Variants in HHIP observed in about 807,000 individuals in gnomAD.
HHIP encodes the protein hedgehog interacting protein.
Under a neutral mutation model 74.0 loss-of-function variants are expected in HHIP, and 12 were observed. The observed-to-expected ratio is 0.16, with a 90% confidence interval of 0.10 to 0.26. The LOEUF (loss-of-function observed/expected upper bound fraction) is 0.26, where lower values mean the gene tolerates loss of function less well. HHIP is among the 10% of genes least tolerant of loss of function. The pLI, the probability that HHIP is intolerant of heterozygous loss-of-function variation, is 1.00. For synonymous variants in HHIP, 309 were observed against 311.6 expected, an observed-to-expected ratio of 0.99 and a Z score of 0.09; for missense variants, 788 against 845.0, an observed-to-expected ratio of 0.93 and a Z score of 0.84.
At chr4:144,658,019 C>A (rs1728598471) in intron 2 of HHIP, among the ~76,000 whole-genome samples, 1 of 152,108 alleles carries the variant, frequency 6.6e-6, no homozygotes, top group Non-Finnish European at 1.5e-5. Flanking sequence ...AGTGGCAATA[C>A]ACTAAGACTT....
intron 4 of HHIP, among the ~76,000 whole-genome samples, chr4:144,704,735 A>G (rs1730082796): frequency 6.6e-6 from 1 of 152,234 alleles, no homozygotes. Context: ...AGGGGGAAAT[A>G]TATTTGAGGG....
rs1218428957 is a variant in HHIP at position 144,646,223 on chromosome 4, C to T, written c.-453C>T. On this transcript the variant is annotated 5_prime_UTR_variant, in exon 1 of 13. Coordinates refer to ENST00000296575, the MANE Select transcript of HHIP (RefSeq NM_022475.3). The stretch of plus-strand genomic sequence containing the variant: ...CCTCAGCATCATCTAGAGCCCAGCG[C>T]TGGCCCTGCCTCCGCCTGCCCCGCC... 1 of 163,930 alleles carries T rather than the reference C, an allele frequency of 6.1e-6. No homozygotes were observed. The highest frequency in any genetic ancestry group is 1.3e-5 in the Non-Finnish European group (1 of 76,168). The allele number at this position is 163,930 out of a possible 1,614,324, so 10.2% of individuals were successfully genotyped here. A position where few individuals can be genotyped will look rare whatever the true frequency, so the allele number is the denominator to read the frequency against.
intron 1 of HHIP, 165 bp downstream of exon 1, chr4:144,647,119 T>C: frequency 6.8e-6 from 4 of 585,218 alleles, no homozygotes; most frequent in East Asian, 5.7e-5. Flanking sequence ...TGTGTTCCTC[T>C]GGGGTAAGCA....
chr4:144,650,197 C>T (rs1283347592), intron 1 of HHIP, among the ~76,000 whole-genome samples: 1 of 152,048 alleles, frequency 6.6e-6, no homozygotes, highest in Non-Finnish European at 1.5e-5. Context: ...AGTTGGAGGC[C>T]ACACTTTACT....
chr4:144,721,356 G>A (rs1187985102), intron 11 of HHIP, among the ~76,000 whole-genome samples: 2 of 151,802 alleles, frequency 1.3e-5, no homozygotes, highest in Admixed American at 6.6e-5. Flanking sequence ...AACTATATAC[G>A]CAGTATCTCT....
At chr4:144,718,449 C>G (rs1259777172) in intron 10 of HHIP, among the ~76,000 whole-genome samples, 1 of 152,124 alleles carries the variant, frequency 6.6e-6, no homozygotes, top group African/African-American at 2.4e-5. Flanking sequence ...GTGCTACTGT[C>G]AGGACTTGCT....
intron 4 of HHIP, among the ~76,000 whole-genome samples, chr4:144,686,012 T>C (rs74716202): frequency 6.6e-6 from 1 of 152,356 alleles, no homozygotes; most frequent in East Asian, 1.9e-4. Flanking sequence ...CAAATTTCCC[T>C]GTTGAACAAC....
intron 4 of HHIP, among the ~76,000 whole-genome samples, chr4:144,664,147 C>T (rs781043647): frequency 5.9e-5 from 9 of 152,182 alleles, no homozygotes; most frequent in South Asian, 2.1e-4. Context: ...GACTCCTGTC[C>T]CTCTCTATCT....
At chr4:144,652,094 A>G (rs900242975) in intron 1 of HHIP, among the ~76,000 whole-genome samples, 23 of 152,122 alleles carry the variant, frequency 1.5e-4, no homozygotes, top group African/African-American at 5.5e-4. Flanking sequence ...CTGCAGATTG[A>G]AAACTAATTG....
rs759281056 is a variant in HHIP at position 144,712,001 on chromosome 4, G to A, written c.1353G>A (p.Leu451=). ...ATATAAACATCAATTTAACGATACT[G>A]TGTTCAGACTCCAATGGAAAAAACA... The part of the protein sequence containing the change: ...PTDININLTI[L]CSDSNGKNRS... The change falls in exon 8 of 13, where the codon CTG becomes CTA. Residue 451 remains leucine, a synonymous_variant. Transcript: ENST00000296575. The A allele has an allele frequency of 6.2e-7, 1 of 1,611,040 alleles. No individual in the cohort carries two copies. Among genetic ancestry groups the A allele is most frequent in the African/African-American group, 1.3e-5 (1 of 74,824 alleles).
At chr4:144,731,511 C>T (rs190996068) in intron 11 of HHIP, among the ~76,000 whole-genome samples, 42 of 152,282 alleles carry the variant, frequency 2.8e-4, no homozygotes, top group Non-Finnish European at 7.4e-5. Context: ...CCTCCGCCTC[C>T]TGGGTTCCAG....
At chr4:144,650,773 T>C (rs1293317580) in intron 1 of HHIP, 1 of 152,274 alleles carries the variant, frequency 6.6e-6, no homozygotes, top group Non-Finnish European at 1.5e-5. Flanking sequence ...ATTTATTGAA[T>C]CCTACTTCTG....
At chr4:144,712,999 G>A (rs995971130) in intron 8 of HHIP, among the ~76,000 whole-genome samples, 1 of 150,472 alleles carries the variant, frequency 6.6e-6, no homozygotes. Context: ...TGGAATTTTG[G>A]CTACATTTGT....
chr4:144,724,129 G>T (rs1392336894), intron 11 of HHIP, among the ~76,000 whole-genome samples: 2 of 152,110 alleles, frequency 1.3e-5, no homozygotes, highest in Admixed American at 1.3e-4. Flanking sequence ...CATAATAGAT[G>T]GTAGCAGCCT....
intron 4 of HHIP, among the ~76,000 whole-genome samples, chr4:144,694,197 T>C (rs1204903496): frequency 2.0e-5 from 3 of 152,002 alleles, no homozygotes; most frequent in African/African-American, 7.2e-5. Flanking sequence ...TAGAAAATAA[T>C]TTTTAAAGTA....
rs551419187 is a variant in HHIP at position 144,646,637 on chromosome 4, C to G, written c.-39C>G. ...CCTGCTGGGCAGTGGCGTTCCCCCC[C>G]ATCCTCCCGCGCCCAGCCCCTGCTG... On this transcript the variant is annotated 5_prime_UTR_variant, in exon 1 of 13. Coordinates refer to ENST00000296575, the MANE Select transcript of HHIP (RefSeq NM_022475.3). 7 of 1,592,506 alleles carry G rather than the reference C, an allele frequency of 4.4e-6. No individual in the cohort carries two copies. The highest frequency in any genetic ancestry group is 2.7e-5 in the African/African-American group (2 of 74,496).
At chr4:144,698,762 A>T (rs1729893982) in intron 4 of HHIP, among the ~76,000 whole-genome samples, 4 of 152,206 alleles carry the variant, frequency 2.6e-5, no homozygotes, top group Admixed American at 2.6e-4. Flanking sequence ...TGCAGGTCAG[A>T]AAAGCCAAAA....
At position 144,706,524 on chromosome 4, in the gene HHIP, A is replaced by G; in HGVS notation, c.832-7A>G. On this transcript the variant is annotated splice_region_variant and splice_polypyrimidine_tract_variant and intron_variant, in intron 4 of 12. Coordinates refer to ENST00000296575, the MANE Select transcript of HHIP (RefSeq NM_022475.3). ...TACAATTCTTTGTGTTTTTCATTTG[A>G]CTGCAGGGAGGAGATGAAAGAGGAC... 1 of 1,592,982 alleles carries G rather than the reference A, an allele frequency of 6.3e-7. No homozygotes were observed. Among genetic ancestry groups the G allele is most frequent in the East Asian group, 2.3e-5 (1 of 44,386 alleles).
chr4:144,675,392 T>A (rs1229408876), intron 4 of HHIP, among the ~76,000 whole-genome samples: 2 of 152,054 alleles, frequency 1.3e-5, no homozygotes, highest in Non-Finnish European at 2.9e-5. Context: ...TACGAGAAAG[T>A]TTTTATGGTG....
Sources: gnomAD v4.1 joint callset for allele counts (sites outside exome capture counted in the v4.1 genomes callset) on GRCh38, gnomAD v4.1.1 for gene constraint, MANE v1.5 for transcripts, NCBI Gene and HGNC (gene_info 2026-07-23, HGNC 2026-07-21) for gene names.